RPS6KA2: variants seen among roughly 807,000 people sequenced by gnomAD.
RPS6KA2 encodes the protein ribosomal protein S6 kinase alpha-2.
Under a neutral mutation model 91.8 loss-of-function variants are expected in RPS6KA2, and 42 were observed. That is an observed-to-expected ratio of 0.46 (90% CI 0.36 to 0.59). The LOEUF is 0.59. Among genes scored for constraint, RPS6KA2 ranks in the 20% least tolerant of loss-of-function variants. The probability of loss-of-function intolerance (pLI) is 0.00; values close to 1 mark genes in which losing one functional copy is unlikely to be tolerated. For missense variants in RPS6KA2, 798 were observed against 978.5 expected (o/e 0.82, Z 2.46); for synonymous variants, 414 against 393.6 (o/e 1.05, Z -0.61).
intron 5 of RPS6KA2, among the ~76,000 whole-genome samples, chr6:166,507,222 G>A (rs6914426): frequency 0.024 from 3,662 of 152,180 alleles, 130 homozygotes; most frequent in Admixed American, 0.096. Context: ...ACCGACCTGC[G>A]CCTTCCATCT....
chr6:166,718,443 C>T (rs1790083098), intron 2 of RPS6KA2, among the ~76,000 whole-genome samples: 1 of 152,152 alleles, frequency 6.6e-6, no homozygotes, highest in Admixed American at 6.5e-5. Context: ...TCATTTTCCC[C>T]TTAAAAAGAC....
In RPS6KA2 at chr6:166,665,765, G is replaced by A. The variant is rs1292295569; in HGVS notation, c.124-126981C>T. Among the ~76,000 whole-genome samples, 4 of 152,142 alleles carry A rather than the reference G, an allele frequency of 2.6e-5. No homozygotes were observed. Among genetic ancestry groups the A allele is most frequent in the Non-Finnish European group, 4.4e-5 (3 of 68,032 alleles). On this transcript the variant is annotated intron_variant, in intron 2 of 21. Coordinates refer to the RPS6KA2 transcript ENST00000503859. The surrounding 1 kb of genome is among the most constrained non-coding windows in gnomAD (Gnocchi z 4.5). ...GAGCTTGTTCTGAACCTCGTTTTGG[G>A]GAGAAACTTGGTTGTTCATGTCACG...
chr6:166,816,553 T>TAAA, intron 2 of RPS6KA2, among the ~76,000 whole-genome samples: 1 of 144,322 alleles, frequency 6.9e-6, no homozygotes, highest in African/African-American at 2.6e-5. Flanking sequence ...AGACTCCATC[T>TAAA]CAAAAAAAAA....
At chr6:166,518,421 A>T (rs1262324329) in intron 3 of RPS6KA2, among the ~76,000 whole-genome samples, 1 of 152,146 alleles carries the variant, frequency 6.6e-6, no homozygotes, top group Non-Finnish European at 1.5e-5. Context: ...AGATTATAAA[A>T]TTAAAAGGCA....
chr6:166,415,437 T>C (rs1583101188), intron 19 of RPS6KA2, among the ~76,000 whole-genome samples: 1 of 152,238 alleles, frequency 6.6e-6, no homozygotes, highest in Admixed American at 6.5e-5. Flanking sequence ...GAGGTTCTGT[T>C]GTGTGCTAAG....
chr6:166,431,778 G>A (rs1247136525), intron 15 of RPS6KA2, among the ~76,000 whole-genome samples: 3 of 152,000 alleles, frequency 2.0e-5, no homozygotes, highest in Non-Finnish European at 2.9e-5. Flanking sequence ...CACCACACCC[G>A]GCTAATTTTG....
intron 2 of RPS6KA2, among the ~76,000 whole-genome samples, chr6:166,674,610 C>T (rs770607947): frequency 2.0e-5 from 3 of 152,216 alleles, no homozygotes; most frequent in Non-Finnish European, 2.9e-5. Flanking sequence ...AATAAGAAAA[C>T]TCTTACTTCA....
intron 1 of RPS6KA2, among the ~76,000 whole-genome samples, chr6:166,579,356 C>T (rs993001912): frequency 6.6e-6 from 1 of 152,110 alleles, no homozygotes; most frequent in African/African-American, 2.4e-5. Context: ...TTCTTGGCTG[C>T]TCGGGCCCTT....
At chr6:166,695,529 C>A (rs1350244504) in intron 2 of RPS6KA2, among the ~76,000 whole-genome samples, 1 of 152,208 alleles carries the variant, frequency 6.6e-6, no homozygotes, top group Non-Finnish European at 1.5e-5. Flanking sequence ...GACTGGGTTC[C>A]CAATCCTCAG....
At chr6:166,793,217 A>C (rs917652220) in intron 2 of RPS6KA2, among the ~76,000 whole-genome samples, 2 of 151,852 alleles carry the variant, frequency 1.3e-5, no homozygotes, top group Non-Finnish European at 1.5e-5. Flanking sequence ...TAACAGACAA[A>C]CAGAGAGCCA....
intron 2 of RPS6KA2, among the ~76,000 whole-genome samples, chr6:166,776,547 G>A (rs981169558): frequency 6.6e-6 from 1 of 152,018 alleles, no homozygotes; most frequent in Middle Eastern, 3.2e-3. Flanking sequence ...CCTCTTCCAC[G>A]CCCATGAAGC....
intron 2 of RPS6KA2, among the ~76,000 whole-genome samples, chr6:166,727,438 C>T (rs1790373574): frequency 6.6e-6 from 1 of 151,992 alleles, no homozygotes; most frequent in African/African-American, 2.4e-5. Flanking sequence ...GGTGGCAGTG[C>T]TGCTCCTAAA....
At chr6:166,640,668 T>C (rs893724727) in intron 2 of RPS6KA2, among the ~76,000 whole-genome samples, 2 of 152,148 alleles carry the variant, frequency 1.3e-5, no homozygotes, top group African/African-American at 2.4e-5. Context: ...GCTGGTCCGA[T>C]AGTAAGCAGG....
upstream of RPS6KA2, among the ~76,000 whole-genome samples, chr6:166,630,440 T>G (rs545534811): frequency 2.0e-5 from 3 of 152,364 alleles, no homozygotes; most frequent in Admixed American, 2.0e-4. Flanking sequence ...CTATATATCT[T>G]TAAAATAAAT....
intron 1 of RPS6KA2, among the ~76,000 whole-genome samples, chr6:166,545,888 C>A (rs1392524369): frequency 1.3e-5 from 2 of 152,238 alleles, no homozygotes; most frequent in Non-Finnish European, 2.9e-5. Flanking sequence ...CTCCTTCCCA[C>A]AGAAAAGACG....
At chr6:166,702,623 A>G in intron 2 of RPS6KA2, 4 of 1,571,932 alleles carry the variant, frequency 2.5e-6, no homozygotes, top group Non-Finnish European at 3.5e-6. Flanking sequence ...TTTGGGACCG[A>G]GTGCTCAACT....
At chr6:166,765,669 T>C (rs1348372321) in intron 2 of RPS6KA2, among the ~76,000 whole-genome samples, 1 of 152,190 alleles carries the variant, frequency 6.6e-6, no homozygotes, top group Non-Finnish European at 1.5e-5. Flanking sequence ...GGAGCTGGCA[T>C]TTAAAGAAGA....
chr6:166,694,538 G>A (rs945014775), intron 2 of RPS6KA2, among the ~76,000 whole-genome samples: 2 of 152,306 alleles, frequency 1.3e-5, no homozygotes, highest in East Asian at 1.9e-4. Flanking sequence ...AGAAGAGTTC[G>A]TCTAACACTT....
chr6:166,573,097 G>A (rs1784738695), intron 1 of RPS6KA2, among the ~76,000 whole-genome samples: 1 of 152,234 alleles, frequency 6.6e-6, no homozygotes, highest in South Asian at 2.1e-4. Flanking sequence ...TCACTGACAG[G>A]AGGGATGGCC....
Sources: gnomAD v4.1 joint callset for allele counts (sites outside exome capture counted in the v4.1 genomes callset) on GRCh38, gnomAD v4.1.1 for gene constraint, Gnocchi (gnomAD v3.1) non-coding constraint, MANE v1.5 for transcripts, NCBI Gene and HGNC (gene_info 2026-07-23, HGNC 2026-07-21) for gene names.